Variants in MTMR14 observed in about 807,000 individuals in gnomAD.
MTMR14 encodes phosphatidylinositol-3,5-bisphosphate 3-phosphatase MTMR14.
Under a neutral mutation model 86.3 loss-of-function variants are expected in MTMR14, and 48 were observed. The observed-to-expected ratio is 0.56, with a 90% confidence interval of 0.44 to 0.71. The LOEUF is 0.71. Ranked by LOEUF, MTMR14 falls within the 30% of genes least tolerant of loss-of-function variation. The probability of loss-of-function intolerance (pLI) is 0.00; values close to 1 mark genes in which losing one functional copy is unlikely to be tolerated. For synonymous variants in MTMR14, 366 were observed against 326.1 expected, an observed-to-expected ratio of 1.12 and a Z score of -1.32; for missense variants, 780 against 834.6, an observed-to-expected ratio of 0.93 and a Z score of 0.81.
chr3:9,690,509 AC>A (rs1441785235), intron 17 of MTMR14, among the ~76,000 whole-genome samples: 5 of 152,208 alleles, frequency 3.3e-5, no homozygotes, highest in African/African-American at 1.2e-4. Flanking sequence ...TCTGGCTCCC[AC>A]ATCTAAAGTC....
rs902940124 is a variant in MTMR14, at chr3:9,694,161, C to A, written c.1614-3550C>A. Reference sequence around the variant, plus strand: ...CATGAACCAATTTCTGAGTCACCCACCCCTTATCAGGAAGAAAGATGAGTA... The same window carrying A: ...CATGAACCAATTTCTGAGTCACCCAACCCTTATCAGGAAGAAAGATGAGTA... On this transcript the variant is annotated intron_variant, in intron 17 of 18. Transcript: ENST00000296003. 3.3e-5 allele frequency among the ~76,000 whole-genome samples: 5 copies of A among 152,186 alleles called. No homozygotes were observed. The South Asian group carries it at 6.2e-4, about 19-fold the overall frequency.
intron 6 of MTMR14, 113 bp downstream of exon 6, chr3:9,671,283 G>T: frequency 7.0e-7 from 1 of 1,431,530 alleles, no homozygotes; most frequent in Non-Finnish European, 9.7e-7. Context: ...AGGGCTTTCT[G>T]TACATTATCT....
At chr3:9,698,998 G>C (rs970373535) in intron 18 of MTMR14, among the ~76,000 whole-genome samples, 1 of 151,914 alleles carries the variant, frequency 6.6e-6, no homozygotes, top group Non-Finnish European at 1.5e-5. Context: ...GAGAAACCCC[G>C]TCTCTACTAA....
intron 1 of MTMR14, among the ~76,000 whole-genome samples, chr3:9,652,846 C>G (rs1047525775): frequency 6.6e-6 from 1 of 151,656 alleles, no homozygotes; most frequent in Non-Finnish European, 1.5e-5. Flanking sequence ...GAAAATTAGC[C>G]AAATATGCTC....
In MTMR14 at chr3:9,701,701, A is replaced by G. The variant is rs973526393; in HGVS notation, c.1770-89A>G. On this transcript the variant is annotated intron_variant, in intron 18 of 18. Coordinates refer to ENST00000296003, the MANE Select transcript of MTMR14 (RefSeq NM_001077525.3). The surrounding 1 kb of genome is among the most constrained non-coding windows in gnomAD (Gnocchi z 4.2). ...GCCTTGTACAGTCAGAAGAAGCACA[A>G]GGACAGGTGGTATGGAGGGAGGGAG... 7.2e-7 allele frequency: 1 copy of G among 1,390,750 alleles called. No homozygotes were observed. The highest frequency in any genetic ancestry group is 9.7e-7 in the Non-Finnish European group (1 of 1,034,330). The allele number at this position is 1,390,750 out of a possible 1,614,324, so 86.2% of individuals were successfully genotyped here. A position where few individuals can be genotyped will look rare whatever the true frequency, so the allele number is the denominator to read the frequency against.
intron 1 of MTMR14, among the ~76,000 whole-genome samples, chr3:9,652,934 T>C (rs2124927200): frequency 6.6e-6 from 1 of 152,070 alleles, no homozygotes; most frequent in Middle Eastern, 3.4e-3. Flanking sequence ...AGAGTGAGAC[T>C]GTGTCTTTTA....
chr3:9,650,383 A>G (rs746614470), intron 1 of MTMR14: 1 of 456,410 alleles, frequency 2.2e-6, no homozygotes, highest in Admixed American at 2.3e-5. Flanking sequence ...TCCCCACCCT[A>G]AGCACTGGCT....
chr3:9,656,568 T>C (rs1364019846), intron 2 of MTMR14, among the ~76,000 whole-genome samples: 1 of 151,866 alleles, frequency 6.6e-6, no homozygotes. Flanking sequence ...ATTACAGGTG[T>C]GTGGCACCAC....
At chr3:9,662,459 C>G (rs1372551234) in intron 3 of MTMR14, 84 bp downstream of exon 3, 1 of 1,144,882 alleles carries the variant, frequency 8.7e-7, no homozygotes, top group Non-Finnish European at 1.3e-6. Context: ...CTTTTTTTCC[C>G]TCAACATTAG....
chr3:9,684,330 T>C (rs2125267394), intron 10 of MTMR14, among the ~76,000 whole-genome samples: 1 of 152,262 alleles, frequency 6.6e-6, no homozygotes, highest in South Asian at 2.1e-4. Context: ...CAAAGTGGAC[T>C]GTGTAGGCTG....
intron 13 of MTMR14, among the ~76,000 whole-genome samples, chr3:9,686,486 AC>A (rs113106403): frequency 2.7e-4 from 41 of 150,282 alleles, no homozygotes; most frequent in African/African-American, 8.6e-4. Context: ...CCTTTCTGTT[AC>A]CCCCCCCAGA....
rs982063840 is a variant in MTMR14 at position 9,658,677 on chromosome 3, C to T, written c.309-3590C>T. 9.2e-5 allele frequency among the ~76,000 whole-genome samples: 14 copies of T among 152,322 alleles called. 1 individual carries two copies. Among genetic ancestry groups the T allele is most frequent in the African/African-American group, 1.4e-4 (6 of 41,578 alleles). ...CTAGAGATTTCATCTCATTAAACTA[C>T]CTCATCTGTAAAATTGGGTAAGTGA... On this transcript the variant is annotated intron_variant, in intron 2 of 18. Transcript: ENST00000296003.
In MTMR14 at chr3:9,653,607, C is replaced by T. The variant is rs2047434460; in HGVS notation, c.160-14C>T. Reference sequence around the variant, plus strand: ...CAGAATTCTCTTTGTGTTCTGGTCTCCTTCTCTGTGCAGGTTGAGCGCATT... The same window carrying T: ...CAGAATTCTCTTTGTGTTCTGGTCTTCTTCTCTGTGCAGGTTGAGCGCATT... On this transcript the variant is annotated splice_polypyrimidine_tract_variant and intron_variant, in intron 1 of 18. Transcript: ENST00000296003. 6.2e-7 allele frequency: 1 copy of T among 1,614,092 alleles called. No homozygotes were observed. Among genetic ancestry groups the T allele is most frequent in the Admixed American group, 1.7e-5 (1 of 60,018 alleles).
chr3:9,661,683 G>A (rs766849612), intron 2 of MTMR14, among the ~76,000 whole-genome samples: 2 of 152,030 alleles, frequency 1.3e-5, no homozygotes, highest in African/African-American at 4.8e-5. Flanking sequence ...CCAGTTTTCT[G>A]TGTATATTTC....
At chr3:9,663,120 C>A (rs933940322) in intron 3 of MTMR14, among the ~76,000 whole-genome samples, 32 of 152,052 alleles carry the variant, frequency 2.1e-4, no homozygotes, top group African/African-American at 7.5e-4. Flanking sequence ...CGGGGAAATT[C>A]CGAATGCAAG....
chr3:9,665,686 T>C (rs1468276837), intron 3 of MTMR14, among the ~76,000 whole-genome samples: 1 of 152,162 alleles, frequency 6.6e-6, no homozygotes, highest in Admixed American at 6.5e-5. Flanking sequence ...GCATGGTTGG[T>C]GCAACTGAGG....
intron 12 of MTMR14, 21 bp from the exon 13 acceptor site, chr3:9,685,190 T>C: frequency 6.2e-7 from 1 of 1,614,074 alleles, no homozygotes; most frequent in South Asian, 1.1e-5. Context: ...TGACTTTGCC[T>C]CTCTACCCTC....
At chr3:9,663,704 G>A (rs538873840) in intron 3 of MTMR14, among the ~76,000 whole-genome samples, 36 of 150,660 alleles carry the variant, frequency 2.4e-4, no homozygotes, top group African/African-American at 4.9e-4. Flanking sequence ...CAGTAGAGAC[G>A]GGGCTTCACC....
At chr3:9,661,422 G>A (rs984725892) in intron 2 of MTMR14, among the ~76,000 whole-genome samples, 2 of 152,202 alleles carry the variant, frequency 1.3e-5, no homozygotes, top group African/African-American at 2.4e-5. Context: ...TGATCTGACA[G>A]GAGGTGGAAG....
Sources: allele counts gnomAD v4.1 joint callset (sites outside exome capture counted in the v4.1 genomes callset), GRCh38; gene constraint gnomAD v4.1.1; non-coding constraint Gnocchi (gnomAD v3.1); transcripts MANE v1.5; gene names NCBI Gene and HGNC (gene_info 2026-07-23, HGNC 2026-07-21).